The following TMPRSS6 variants were observed in gnomAD, a reference collection of about 807,000 sequenced individuals.
The protein encoded by TMPRSS6 is transmembrane protease serine 6.
TMPRSS6 carries 67 observed loss-of-function variants against 101.5 expected under a neutral mutation model. That is an observed-to-expected ratio of 0.66 (90% CI 0.54 to 0.81). The LOEUF (loss-of-function observed/expected upper bound fraction) is 0.81. Among genes scored for constraint, TMPRSS6 ranks in the 30% least tolerant of loss-of-function variants. The probability of loss-of-function intolerance (pLI) is 0.00; values close to 1 mark genes in which losing one functional copy is unlikely to be tolerated. For synonymous variants in TMPRSS6, 453 were observed against 464.9 expected, an observed-to-expected ratio of 0.97 and a Z score of 0.33; for missense variants, 1,034 against 1,088.7, an observed-to-expected ratio of 0.95 and a Z score of 0.71.
At chr22:37,078,137 G>T (rs1927837498) in intron 10 of TMPRSS6, among the ~76,000 whole-genome samples, 1 of 152,172 alleles carries the variant, frequency 6.6e-6, no homozygotes, top group African/African-American at 2.4e-5. Context: ...ACTAGTGCGG[G>T]GAATGAGGAG....
intron 6 of TMPRSS6, 116 bp downstream of exon 6, chr22:37,095,435 T>C: frequency 1.5e-6 from 2 of 1,353,516 alleles, no homozygotes; most frequent in South Asian, 1.2e-5. Flanking sequence ...TGGGTGACTC[T>C]TGGCCAGGGC....
chr22:37,092,478 T>G (rs1950240314), intron 6 of TMPRSS6, among the ~76,000 whole-genome samples: 1 of 108,772 alleles, frequency 9.2e-6, no homozygotes, highest in Non-Finnish European at 1.7e-5. Flanking sequence ...TAGCTAGGAC[T>G]ACAGGTGCAC....
intron 8 of TMPRSS6, 73 bp downstream of exon 8, chr22:37,086,210 C>T (rs1928745461): frequency 1.2e-6 from 2 of 1,600,662 alleles, no homozygotes; most frequent in Admixed American, 1.7e-5. Context: ...AAAAGGTGAG[C>T]AGTGAGCCCA....
At chr22:37,083,230 C>T (rs1370828786) in intron 10 of TMPRSS6, 6 of 373,244 alleles carry the variant, frequency 1.6e-5, no homozygotes, top group Non-Finnish European at 2.7e-5. Flanking sequence ...ACACGATGAC[C>T]GTTTTCACCC....
intron 8 of TMPRSS6, 65 bp downstream of exon 8, chr22:37,086,218 C>A (rs1928746189): frequency 3.1e-6 from 5 of 1,608,564 alleles, no homozygotes; most frequent in Non-Finnish European, 3.4e-6. Flanking sequence ...AGCAGTGAGC[C>A]CAGTGGAGGG....
intron 2 of TMPRSS6, among the ~76,000 whole-genome samples, chr22:37,100,056 C>T (rs1930166821): frequency 6.6e-6 from 1 of 152,174 alleles, no homozygotes; most frequent in Non-Finnish European, 1.5e-5. Context: ...CAACCTCTGC[C>T]TCCCGGGTTC....
chr22:37,068,188 C>T (rs1926516996), intron 16 of TMPRSS6, among the ~76,000 whole-genome samples: 1 of 152,088 alleles, frequency 6.6e-6, no homozygotes, highest in African/African-American at 2.4e-5. Context: ...TTCCCCTAAC[C>T]CCACGCCTGG....
chr22:37,068,664 C>G (rs1360549530), intron 16 of TMPRSS6: 4 of 779,574 alleles, frequency 5.1e-6, no homozygotes, highest in Non-Finnish European at 9.6e-6. Flanking sequence ...AATAGGGCCA[C>G]AGCATCCGCC....
Position 37,065,742 on chromosome 22 carries a change from C to T in TMPRSS6, c.*338G>A. On this transcript the variant is annotated 3_prime_UTR_variant, in exon 18 of 18. Transcript: ENST00000676104. The stretch of plus-strand genomic sequence containing the variant: ...TACAGAGTGGGGCGCACCTCAGACA[C>T]TCCTCGGGATGTAGAACCAGCATTC... 2 of 383,404 alleles carry T rather than the reference C, an allele frequency of 5.2e-6. No homozygotes were observed. The highest frequency in any genetic ancestry group is 5.0e-6 in the Non-Finnish European group (1 of 201,532). 23.8% of individuals were successfully genotyped at this position (383,404 alleles called of 1,614,324 possible).
intron 6 of TMPRSS6, among the ~76,000 whole-genome samples, chr22:37,092,478 T>A (rs1950240314): frequency 9.2e-6 from 1 of 108,814 alleles, no homozygotes; most frequent in East Asian, 3.2e-4. Context: ...TAGCTAGGAC[T>A]ACAGGTGCAC....
At chr22:37,098,632 C>T in intron 2 of TMPRSS6, 83 bp from the exon 3 acceptor site, 1 of 1,598,994 alleles carries the variant, frequency 6.3e-7, no homozygotes, top group Non-Finnish European at 8.6e-7. Flanking sequence ...TCCTGCCACC[C>T]ACACCCTCAG....
In TMPRSS6 at chr22:37,098,521, C is replaced by A; in HGVS notation, c.231G>T (p.Gln77His). ...GTACACGCAGACTGCCTGAGTACAC[C>A]TGGCTGACCATCACCTCCGCCTTGT... ...LGYKAEVMVS[Q>H]VYSGSLRVLN... Residue 77 changes from glutamine to histidine, a missense_variant, in exon 3 of 18, where the codon CAG becomes CAT. Gln to His is a conservative substitution (Grantham distance 24). Coordinates refer to ENST00000676104, the MANE Select transcript of TMPRSS6 (RefSeq NM_001374504.1). 2.5e-6 allele frequency: 4 copies of A among 1,614,192 alleles called. No individual in the cohort carries two copies. Among genetic ancestry groups the A allele is most frequent in the Non-Finnish European group, 3.4e-6 (4 of 1,180,026 alleles).
chr22:37,074,382 T>G (rs1927420833), intron 12 of TMPRSS6, among the ~76,000 whole-genome samples: 1 of 152,104 alleles, frequency 6.6e-6, no homozygotes. Context: ...TCAGGAGACC[T>G]GGCTCCCCAC....
chr22:37,078,937 GAGAAGGAGA>G (rs1191402896), intron 10 of TMPRSS6, among the ~76,000 whole-genome samples: 1 of 65,280 alleles, frequency 1.5e-5, no homozygotes, highest in African/African-American at 1.1e-4. Flanking sequence ...GAGGAAGAAG[GAGAAGGAGA>G]AGGAGAAAAA....
intron 1 of TMPRSS6, among the ~76,000 whole-genome samples, chr22:37,107,079 A>C (rs1930760253): frequency 6.6e-6 from 1 of 152,222 alleles, no homozygotes; most frequent in African/African-American, 2.4e-5. Context: ...ATCAGAAAGA[A>C]TGAGTGAATG....
chr22:37,075,161 T>G lies in TMPRSS6; in HGVS notation c.1316A>C (p.His439Pro). ...GTCCGACTGGTTGTACAAGCCATAGTGCACCCGCACACCGGGCCCGGTGAG... is the reference window on the plus strand; with the variant it reads ...GTCCGACTGGTTGTACAAGCCATAGGGCACCCGCACACCGGGCCCGGTGAG... ...ISLTGPGVRV[H>P]YGLYNQSDPC... The change falls in exon 11 of 18, where the codon CAC (histidine) becomes CCC (proline). Residue 439 changes from histidine (H) to proline (P), a missense_variant. Transcript: ENST00000676104. The G allele has an allele frequency of 6.2e-7, 1 of 1,614,010 alleles. No homozygotes were observed. Among genetic ancestry groups the G allele is most frequent in the South Asian group, 1.1e-5 (1 of 91,084 alleles).
At chr22:37,080,876 C>T (rs1384354073) in intron 10 of TMPRSS6, among the ~76,000 whole-genome samples, 8 of 152,256 alleles carry the variant, frequency 5.3e-5, no homozygotes, top group Non-Finnish European at 1.2e-4. Flanking sequence ...TGGCATGGGC[C>T]GCTAGAGGCT....
chr22:37,103,125 G>C lies in TMPRSS6; in HGVS notation c.202+91C>G. ...ACACAGCAATATGCTAAGCACGGCT[G>C]AGCCTGGAACCCAGTCCTGTCCTGC... On this transcript the variant is annotated intron_variant, in intron 2 of 17. Transcript: ENST00000676104. The surrounding 1 kb of genome is among the most constrained non-coding windows in gnomAD (Gnocchi z 4.4). 7.3e-7 allele frequency: 1 copy of C among 1,378,614 alleles called. No individual in the cohort carries two copies. The highest frequency in any genetic ancestry group is 1.0e-6 in the Non-Finnish European group (1 of 979,046). 85.4% of individuals were successfully genotyped at this position (1,378,614 alleles called of 1,614,324 possible).
In TMPRSS6 at chr22:37,066,840, T is replaced by A; in HGVS notation, c.2236A>T (p.Lys746Ter). 1.2e-6 allele frequency: 2 copies of A among 1,614,164 alleles called. No homozygotes were observed. The highest frequency in any genetic ancestry group is 1.7e-6 in the Non-Finnish European group (2 of 1,180,018). ...MLCAGYRKGK[K>*]DACQGDSGGP... ...GGGGGACTCACCTGACAGGCATCCTTCTTGCCCTTGCGGTAGCCGGCACAC... is the reference window on the plus strand; with the variant it reads ...GGGGGACTCACCTGACAGGCATCCTACTTGCCCTTGCGGTAGCCGGCACAC... Residue 746 changes from lysine to a stop codon, truncating the protein, a stop_gained, in exon 17 of 18, where the codon AAG becomes TAG. Coordinates refer to ENST00000676104, the MANE Select transcript of TMPRSS6 (RefSeq NM_001374504.1). LOFTEE classifies it high-confidence loss of function.
Sources: allele counts gnomAD v4.1 joint callset (sites outside exome capture counted in the v4.1 genomes callset), GRCh38; gene constraint gnomAD v4.1.1; non-coding constraint Gnocchi (gnomAD v3.1); transcripts MANE v1.5; gene names NCBI Gene and HGNC (gene_info 2026-07-23, HGNC 2026-07-21).